The following LINGO2 variants were observed in gnomAD, a reference collection of about 807,000 sequenced individuals.
The protein encoded by LINGO2 is leucine-rich repeat and immunoglobulin-like domain-containing nogo receptor-interacting protein 2.
In LINGO2, 14 loss-of-function variants were observed where a neutral mutation model predicts 30.6. The ratio of observed to expected loss-of-function variants is 0.46; its 90% CI spans 0.30 to 0.72. The LOEUF (loss-of-function observed/expected upper bound fraction) is 0.72, where lower values mean the gene tolerates loss of function less well. LINGO2 is among the 30% of genes least tolerant of loss of function. The probability of loss-of-function intolerance (pLI) is 0.07; values close to 1 mark genes in which losing one functional copy is unlikely to be tolerated. For synonymous variants in LINGO2, 317 were observed against 288.5 expected (o/e 1.10, Z -1.00); for missense variants, 729 against 751.7 (o/e 0.97, Z 0.35).
chr9:28,634,993 T>C lies in LINGO2; in HGVS notation c.-365+35207A>G, dbSNP rs1187730004. 3.9e-5 allele frequency among the ~76,000 whole-genome samples: 6 copies of C among 152,294 alleles called. 1 individual carries two copies. In the Middle Eastern group the frequency reaches 0.01, roughly 259 times the overall value. ...GAGATGGGAAATTACCATGTGTGGC[T>C]GTAAGCCTGGAGGTACAGATGGAAC... On this transcript the variant is annotated intron_variant, in intron 1 of 5. Coordinates refer to ENST00000379992, the Ensembl canonical transcript of LINGO2.
the LINGO2 span, among the ~76,000 whole-genome samples, chr9:28,958,313 C>A: frequency 1.3e-5 from 2 of 152,030 alleles, no homozygotes; most frequent in Admixed American, 6.6e-5. Context: ...CTCATGGTGA[C>A]CCTGTAATGA....
chr9:29,066,288 G>T, the LINGO2 span, among the ~76,000 whole-genome samples: 690 of 151,994 alleles, frequency 4.5e-3, 4 homozygotes, highest in Admixed American at 0.021. Flanking sequence ...GTGATACGTC[G>T]CAAGAGAAGA....
At chr9:29,091,408 A>T in the LINGO2 span, among the ~76,000 whole-genome samples, 65 of 151,734 alleles carry the variant, frequency 4.3e-4, no homozygotes, top group African/African-American at 8.5e-4. Context: ...TTCAAAAAAA[A>T]TTTTTTTGCT....
chr9:28,498,408 T>A (rs1819745262), intron 1 of LINGO2, among the ~76,000 whole-genome samples: 1 of 152,194 alleles, frequency 6.6e-6, no homozygotes. Flanking sequence ...GATCTCAGAC[T>A]GCTGTGCTAG....
At chr9:28,256,208 T>C (rs1472513946) in intron 4 of LINGO2, among the ~76,000 whole-genome samples, 2 of 152,028 alleles carry the variant, frequency 1.3e-5, no homozygotes, top group Non-Finnish European at 2.9e-5. Context: ...TTTTCTATTT[T>C]TATTTCCTTA....
the LINGO2 span, among the ~76,000 whole-genome samples, chr9:29,096,451 AATTTTTGT>A: frequency 7.2e-6 from 1 of 138,664 alleles, no homozygotes; most frequent in Admixed American, 7.3e-5. Context: ...ATGCCCATCT[AATTTTTGT>A]ATTTTTTGTA....
At chr9:28,423,697 C>A (rs1219833533) in intron 2 of LINGO2, among the ~76,000 whole-genome samples, 1 of 152,010 alleles carries the variant, frequency 6.6e-6, no homozygotes, top group Non-Finnish European at 1.5e-5. Flanking sequence ...TTTACTTCTA[C>A]TCTATGTTTT....
In LINGO2 at chr9:28,503,748, C is replaced by T. The variant is rs373336722; in HGVS notation, c.-364-27723G>A. 2.9e-4 allele frequency among the ~76,000 whole-genome samples: 44 copies of T among 151,812 alleles called. No homozygotes were observed. In the East Asian group the frequency reaches 4.6e-3, roughly 16 times the overall value. On this transcript the variant is annotated intron_variant, in intron 1 of 5. Transcript: ENST00000379992. ...GTAAAGTTCTTCCATGGGAAAACTC[C>T]GCCTGCCACATCTTCCCGAGGTATG...
chr9:29,092,318 AATCAATTAATAAG>A, the LINGO2 span, among the ~76,000 whole-genome samples: 1 of 152,004 alleles, frequency 6.6e-6, no homozygotes, highest in Non-Finnish European at 1.5e-5. Context: ...AGGACAACAC[AATCAATTAATAAG>A]ATCTAAGACA....
intron 1 of LINGO2, among the ~76,000 whole-genome samples, chr9:28,668,649 T>C (rs1198160898): frequency 6.6e-6 from 1 of 151,976 alleles, no homozygotes; most frequent in Non-Finnish European, 1.5e-5. Flanking sequence ...GTCACATAAA[T>C]TCAAGCAGGA....
chr9:28,690,649 G>T, the LINGO2 span, among the ~76,000 whole-genome samples: 5 of 152,004 alleles, frequency 3.3e-5, no homozygotes, highest in Admixed American at 3.3e-4. Context: ...CACATGATTT[G>T]TCTTTGGAAT....
the LINGO2 span, among the ~76,000 whole-genome samples, chr9:28,727,411 G>C: frequency 6.6e-6 from 1 of 151,792 alleles, no homozygotes. Context: ...TCAGCCTCCC[G>C]AGTAGCTGGG....
the LINGO2 span, among the ~76,000 whole-genome samples, chr9:28,932,662 GCC>G: frequency 0.041 from 6,254 of 152,048 alleles, 197 homozygotes; most frequent in Admixed American, 0.082. Flanking sequence ...CTAAGCCTGT[GCC>G]TCCTCCTATA....
intron 4 of LINGO2, among the ~76,000 whole-genome samples, chr9:28,177,194 A>G (rs1564020428): frequency 6.6e-6 from 1 of 152,192 alleles, no homozygotes; most frequent in Non-Finnish European, 1.5e-5. Flanking sequence ...ACATTTGGAT[A>G]AAATCATAGA....
At chr9:28,526,395 C>T (rs1467781480) in intron 1 of LINGO2, among the ~76,000 whole-genome samples, 1 of 152,192 alleles carries the variant, frequency 6.6e-6, no homozygotes, top group African/African-American at 2.4e-5. Context: ...CTACAAGATA[C>T]TCAGAGAGAC....
intron 2 of LINGO2, among the ~76,000 whole-genome samples, chr9:28,439,080 A>G (rs932835540): frequency 2.0e-5 from 3 of 147,932 alleles, no homozygotes; most frequent in African/African-American, 7.4e-5. Context: ...TGAAATATAG[A>G]TAATAGCTAT....
At chr9:29,033,581 T>C in the LINGO2 span, among the ~76,000 whole-genome samples, 12 of 151,980 alleles carry the variant, frequency 7.9e-5, no homozygotes, top group East Asian at 2.3e-3. Flanking sequence ...ATTGGTGTTA[T>C]CTTGCTCTGT....
At chr9:28,412,377 T>C (rs2183825) in intron 2 of LINGO2, among the ~76,000 whole-genome samples, 45,724 of 151,808 alleles carry the variant, frequency 0.3, 7,162 homozygotes, top group Non-Finnish European at 0.32. Context: ...CCTTTGCCCA[T>C]TTGTGAATAG....
At chr9:28,406,318 T>C (rs1430933133) in intron 2 of LINGO2, among the ~76,000 whole-genome samples, 1 of 82,846 alleles carries the variant, frequency 1.2e-5, no homozygotes. Flanking sequence ...CGCCTGTAGT[T>C]TCAGCTACTT....
Sources: allele counts gnomAD v4.1 joint callset (sites outside exome capture counted in the v4.1 genomes callset), GRCh38; gene constraint gnomAD v4.1.1; transcripts MANE v1.5; gene names NCBI Gene and HGNC (gene_info 2026-07-23, HGNC 2026-07-21).